Variants in FARS2 observed in about 807,000 individuals in gnomAD.
FARS2 encodes phenylalanine--tRNA ligase, mitochondrial.
Under a neutral mutation model 46.4 loss-of-function variants are expected in FARS2, and 40 were observed. The ratio of observed to expected loss-of-function variants is 0.86; its 90% confidence interval spans 0.67 to 1.12. The LOEUF is 1.12. FARS2 is among the 50% of genes most tolerant of loss of function. The pLI is 0.00. For synonymous variants in FARS2, 234 were observed against 214.9 expected, an observed-to-expected ratio of 1.09 and a Z score of -0.78; for missense variants, 513 against 567.9, an observed-to-expected ratio of 0.90 and a Z score of 0.98.
At chr6:5,515,297 A>T (rs189548937) in intron 4 of FARS2, among the ~76,000 whole-genome samples, 23 of 152,338 alleles carry the variant, frequency 1.5e-4, no homozygotes, top group South Asian at 8.3e-4. Context: ...CTCATGGTGT[A>T]TGATTACCAT....
chr6:5,755,716 G>T (rs1298770301), intron 6 of FARS2, among the ~76,000 whole-genome samples: 2 of 152,096 alleles, frequency 1.3e-5, no homozygotes, highest in African/African-American at 4.8e-5. Context: ...GGGCCTTGAG[G>T]TTATGTTCAT....
At chr6:5,431,700 C>T (rs976973458) in intron 4 of FARS2, 2 of 532,650 alleles carry the variant, frequency 3.8e-6, no homozygotes, top group Non-Finnish European at 7.7e-6. Flanking sequence ...AAAATGGAAA[C>T]ACGAGGTTGC....
At chr6:5,260,923 G>T (rs1030445011), upstream of FARS2, 1 of 1,361,770 alleles carries the variant, frequency 7.3e-7, no homozygotes, top group Non-Finnish European at 9.4e-7. Context: ...GTCCCGCGCC[G>T]CTTCGGGGGC....
At chr6:5,552,208 G>A (rs1440567612) in intron 5 of FARS2, among the ~76,000 whole-genome samples, 1 of 152,182 alleles carries the variant, frequency 6.6e-6, no homozygotes, top group Non-Finnish European at 1.5e-5. Flanking sequence ...ACATATATAA[G>A]AGGGGACTGT....
chr6:5,267,159 T>TAAA (rs34285103), intron 1 of FARS2, among the ~76,000 whole-genome samples: 81,701 of 146,906 alleles, frequency 0.56, 23,854 homozygotes, highest in East Asian at 0.81. Flanking sequence ...TTTTTTTTCT[T>TAAA]AAAAAAAAAA....
chr6:5,440,667 ATG>A (rs1413430907), intron 4 of FARS2, among the ~76,000 whole-genome samples: 2 of 152,288 alleles, frequency 1.3e-5, no homozygotes, highest in Non-Finnish European at 2.9e-5. Context: ...CAGGAAAAAA[ATG>A]TATACTGGTG....
chr6:5,511,182 G>A (rs1013791660), intron 4 of FARS2, among the ~76,000 whole-genome samples: 1 of 152,212 alleles, frequency 6.6e-6, no homozygotes, highest in Non-Finnish European at 1.5e-5. Flanking sequence ...AAGAAAGAAT[G>A]ATAGATGCCA....
intron 6 of FARS2, among the ~76,000 whole-genome samples, chr6:5,620,007 G>A (rs192895767): frequency 9.2e-5 from 14 of 152,172 alleles, no homozygotes; most frequent in South Asian, 2.1e-4. Flanking sequence ...CGCATCAGAC[G>A]AGTTTTCGGC....
chr6:5,368,671 C>G lies in FARS2; in HGVS notation c.101C>G (p.Ser34Trp). ...SRGHQHQAWG[S>W]RPPAAECATQ... is the part of the protein sequence containing the mutation. ...GGCCATCAGCACCAGGCCTGGGGAT[C>G]GAGGCCTCCTGCAGCAGAGTGTGCC... The change falls in exon 2 of 7, where the codon TCG becomes TGG. Residue 34 changes from serine (S) to tryptophan (W), a missense_variant. Physicochemically the swap from Ser to Trp is radical, Grantham distance 177. Coordinates refer to ENST00000274680, the MANE Select transcript of FARS2 (RefSeq NM_006567.5). The G allele has an allele frequency of 6.2e-7, 1 of 1,614,152 alleles. No homozygotes were observed. Among genetic ancestry groups the G allele is most frequent in the Non-Finnish European group, 8.5e-7 (1 of 1,180,022 alleles).
chr6:5,359,542 C>T lies in FARS2; in HGVS notation c.-21-9008C>T, dbSNP rs1016305538. On this transcript the variant is annotated intron_variant, in intron 1 of 6. Transcript: ENST00000274680. The stretch of plus-strand genomic sequence containing the variant: ...TCTGATCCATATGCCCTGGCACTGT[C>T]TCTCATAAGGCTTGCCCTCTTCATG... Among the ~76,000 whole-genome samples the T allele has an allele frequency of 4.6e-5, 7 of 152,322 alleles. No homozygotes were observed. In the South Asian group the frequency reaches 1.2e-3, roughly 27 times the overall value.
intron 4 of FARS2, among the ~76,000 whole-genome samples, chr6:5,507,837 G>A (rs1442370620): frequency 6.6e-6 from 1 of 152,204 alleles, no homozygotes; most frequent in Non-Finnish European, 1.5e-5. Context: ...ACTTAGAGGT[G>A]TATAAGAATT....
intron 6 of FARS2, among the ~76,000 whole-genome samples, chr6:5,687,946 T>C (rs1288217240): frequency 6.6e-6 from 1 of 152,226 alleles, no homozygotes; most frequent in Non-Finnish European, 1.5e-5. Flanking sequence ...CTAGGTATTT[T>C]ATTCTCTTTG....
At chr6:5,505,653 G>A (rs190502982) in intron 4 of FARS2, among the ~76,000 whole-genome samples, 120 of 152,272 alleles carry the variant, frequency 7.9e-4, no homozygotes, top group African/African-American at 2.5e-3. Flanking sequence ...CTGACTTCCC[G>A]CAACATACTG....
Position 5,450,849 on chromosome 6 carries a change from A to C in FARS2, c.904+19677A>C, listed in dbSNP as rs905153757. Reference sequence around the variant, plus strand: ...TGCCCTGCTTGGAATCCCTGGATACATGCCTTGGGCTGTCTCTTTCATTAT... The same window carrying C: ...TGCCCTGCTTGGAATCCCTGGATACCTGCCTTGGGCTGTCTCTTTCATTAT... On this transcript the variant is annotated intron_variant, in intron 4 of 6. Transcript: ENST00000274680. Among the ~76,000 whole-genome samples, 5 of 152,046 alleles carry C rather than the reference A, an allele frequency of 3.3e-5. No homozygotes were observed. In the East Asian group the frequency reaches 5.8e-4, roughly 18 times the overall value.
chr6:5,419,100 C>G (rs1230174561), intron 3 of FARS2, among the ~76,000 whole-genome samples: 2 of 152,014 alleles, frequency 1.3e-5, no homozygotes, highest in Admixed American at 1.3e-4. Context: ...TTTTGGTCTT[C>G]TTTTCTGATG....
intron 3 of FARS2, among the ~76,000 whole-genome samples, chr6:5,429,434 T>C (rs1763035360): frequency 6.6e-6 from 1 of 152,218 alleles, no homozygotes; most frequent in South Asian, 2.1e-4. Flanking sequence ...CTGTGTTTGA[T>C]AATTACACTC....
intron 6 of FARS2, among the ~76,000 whole-genome samples, chr6:5,698,401 G>A (rs1181290609): frequency 6.6e-6 from 1 of 152,144 alleles, no homozygotes; most frequent in Non-Finnish European, 1.5e-5. Context: ...CGCCATGACG[G>A]ATCCACCCCT....
At chr6:5,714,270 G>T (rs1284509317) in intron 6 of FARS2, among the ~76,000 whole-genome samples, 1 of 152,188 alleles carries the variant, frequency 6.6e-6, no homozygotes, top group East Asian at 1.9e-4. Flanking sequence ...GGATCCAGGG[G>T]ACAGTGGGCA....
At chr6:5,482,386 G>T (rs1474253396) in intron 4 of FARS2, among the ~76,000 whole-genome samples, 2 of 152,186 alleles carry the variant, frequency 1.3e-5, no homozygotes, top group Non-Finnish European at 1.5e-5. Flanking sequence ...GAAGTAAGGT[G>T]AGGCATGCGG....
Sources: allele counts gnomAD v4.1 joint callset (sites outside exome capture counted in the v4.1 genomes callset), GRCh38; gene constraint gnomAD v4.1.1; transcripts MANE v1.5; gene names NCBI Gene and HGNC (gene_info 2026-07-23, HGNC 2026-07-21).